MTR: variants seen among roughly 807,000 people sequenced by gnomAD.
The protein encoded by MTR is methionine synthase.
A neutral mutation model predicts 154.8 loss-of-function variants in MTR; 84 were observed. The ratio of observed to expected loss-of-function variants is 0.54; its 90% CI spans 0.45 to 0.65. The LOEUF is 0.65. MTR is among the 30% of genes least tolerant of loss of function. The pLI is 0.00. For synonymous variants in MTR, 554 were observed against 553.9 expected, an observed-to-expected ratio of 1.00 and a Z score of 0.00; for missense variants, 1,275 against 1,570.2, an observed-to-expected ratio of 0.81 and a Z score of 3.18.
At chr1:236,804,377 C>T (rs1284902741) in intron 2 of MTR, among the ~76,000 whole-genome samples, 5 of 152,138 alleles carry the variant, frequency 3.3e-5, no homozygotes, top group African/African-American at 4.8e-5. Flanking sequence ...AGAAAGCTGG[C>T]GCTCACCCAT....
chr1:236,897,260 A>G (rs1666676001), intron 32 of MTR, 142 bp downstream of exon 32: 4 of 717,110 alleles, frequency 5.6e-6, no homozygotes, highest in African/African-American at 3.8e-5. Context: ...TTTGATTTCA[A>G]TAGAATACCT....
chr1:236,887,102 A>G (rs1388973553), intron 27 of MTR, among the ~76,000 whole-genome samples: 1 of 152,228 alleles, frequency 6.6e-6, no homozygotes, highest in Admixed American at 6.5e-5. Flanking sequence ...TGCAAAACCA[A>G]GATAGAGTGA....
At chr1:236,838,906 G>T (rs1482972375) in intron 15 of MTR, among the ~76,000 whole-genome samples, 2 of 152,168 alleles carry the variant, frequency 1.3e-5, no homozygotes, top group Non-Finnish European at 2.9e-5. Flanking sequence ...GGTATATATA[G>T]TGTGTTGTTT....
chr1:236,894,277 C>T, intron 29 of MTR, 80 bp from the exon 30 acceptor site: 1 of 1,360,564 alleles, frequency 7.3e-7, no homozygotes, highest in African/African-American at 1.4e-5. Context: ...TTGACGATAC[C>T]CGATTGCTCT....
chr1:236,889,054 C>T, intron 27 of MTR, 127 bp from the exon 28 acceptor site: 1 of 1,149,662 alleles, frequency 8.7e-7, no homozygotes, highest in Non-Finnish European at 1.3e-6. Context: ...CTTTGTAAAA[C>T]AACTCCTACG....
Position 236,889,218 on chromosome 1 carries a change from C to T in MTR, c.2889C>T (p.Asp963=). The T allele has an allele frequency of 1.2e-6, 2 of 1,614,200 alleles. No individual in the cohort carries two copies. The highest frequency in any genetic ancestry group is 8.5e-7 in the Non-Finnish European group (1 of 1,180,038). ...PTFIGTQVFE[D]YDLQKLVDYI... is the part of the protein sequence containing the mutation. ...TTATTGGGACCCAGGTCTTTGAAGA[C>T]TATGACCTGCAGAAGCTGGTGGACT... is the stretch of plus-strand genomic sequence containing the variant. Residue 963 remains aspartate, a synonymous_variant, in exon 28 of 33, where the codon GAC becomes GAT. Transcript: ENST00000366577.
chr1:236,853,472 G>A (rs1366731104), intron 18 of MTR, among the ~76,000 whole-genome samples: 1 of 152,172 alleles, frequency 6.6e-6, no homozygotes, highest in African/African-American at 2.4e-5. Flanking sequence ...TAACCTTTAA[G>A]TGATGGGAGT....
Position 236,885,217 on chromosome 1 carries a change from A to G in MTR, c.2773A>G (p.Lys925Glu). 6.4e-7 allele frequency: 1 copy of G among 1,563,624 alleles called. No individual in the cohort carries two copies. Among genetic ancestry groups the G allele is most frequent in the Non-Finnish European group, 8.8e-7 (1 of 1,134,580 alleles). ...TAGACAGGACCATTATGAGTCTCTC[A>G]AGGTAAGTGGTAGAAACAGATTTTT... The part of the protein sequence containing the change: ...DIRQDHYESL[K>E]ERRYLPLSQA... The change falls in exon 26 of 33, where the codon AAG becomes GAG. Residue 925 changes from lysine (K) to glutamate (E), a missense_variant and splice_region_variant. Lys to Glu is a moderately conservative substitution (Grantham distance 56). Transcript: ENST00000366577.
At chr1:236,805,924 C>A (rs1660958145) in intron 2 of MTR, among the ~76,000 whole-genome samples, 1 of 152,180 alleles carries the variant, frequency 6.6e-6, no homozygotes, top group Non-Finnish European at 1.5e-5. Context: ...AGCATGTTAA[C>A]ATTGTCTGAA....
intron 26 of MTR, 80 bp from the exon 27 acceptor site, chr1:236,886,212 C>CA: frequency 8.9e-7 from 1 of 1,128,580 alleles, no homozygotes; most frequent in South Asian, 1.3e-5. Flanking sequence ...AGCTTACATA[C>CA]TGGCCTTCTT....
At chr1:236,887,936 A>G (rs907391758) in intron 27 of MTR, among the ~76,000 whole-genome samples, 1 of 152,252 alleles carries the variant, frequency 6.6e-6, no homozygotes, top group African/African-American at 2.4e-5. Context: ...GTCTATCTGT[A>G]GATTCCTTTT....
At chr1:236,897,517 T>G (rs374835058) in intron 32 of MTR, 41 bp from the exon 33 acceptor site, 1 of 1,572,180 alleles carries the variant, frequency 6.4e-7, no homozygotes, top group Non-Finnish European at 8.8e-7. Context: ...TCCAAAAGTC[T>G]TATCATGTTG....
At chr1:236,895,287 G>A in intron 30 of MTR, 71 bp from the exon 31 acceptor site, 1 of 1,504,224 alleles carries the variant, frequency 6.6e-7, no homozygotes, top group African/African-American at 1.4e-5. Flanking sequence ...TCTAATTCAG[G>A]GGGTGGAGGC....
chr1:236,820,233 T>C (rs561591525), intron 8 of MTR: 1 of 755,168 alleles, frequency 1.3e-6, no homozygotes, highest in South Asian at 1.4e-5. Flanking sequence ...TCATGCCTGA[T>C]CTCTGCTTGT....
At chr1:236,852,715 C>A in intron 17 of MTR, 78 bp downstream of exon 17, 2 of 1,325,400 alleles carry the variant, frequency 1.5e-6, no homozygotes, top group Non-Finnish European at 1.1e-6. Flanking sequence ...GGCATGCAGG[C>A]TAAGTCCGGC....
At chr1:236,849,604 C>T (rs1330792204) in intron 15 of MTR, among the ~76,000 whole-genome samples, 1 of 151,896 alleles carries the variant, frequency 6.6e-6, no homozygotes, top group African/African-American at 2.4e-5. Flanking sequence ...ACCAAAGGAG[C>T]AATGTAGGAG....
chr1:236,871,770 G>A (rs1389909413), intron 22 of MTR, among the ~76,000 whole-genome samples: 1 of 152,050 alleles, frequency 6.6e-6, no homozygotes, highest in Non-Finnish European at 1.5e-5. Flanking sequence ...TGCCAACAAA[G>A]CTGAATATAC....
intron 11 of MTR, 72 bp downstream of exon 11, chr1:236,826,968 T>C (rs1366316446): frequency 4.4e-6 from 6 of 1,369,514 alleles, no homozygotes; most frequent in Non-Finnish European, 6.2e-6. Context: ...TATGTACTTT[T>C]TGTTATGGGC....
In MTR at chr1:236,890,147, CGGGGGGGCGTGCCT is replaced by C. The variant is rs1041701373; in HGVS notation, c.3007+815_3007+828del. 4.8e-5 allele frequency among the ~76,000 whole-genome samples: 7 copies of C among 144,886 alleles called. No homozygotes were observed. In the South Asian group the frequency reaches 6.4e-4, roughly 13 times the overall value. On this transcript the variant is annotated intron_variant, in intron 28 of 32. Coordinates refer to ENST00000366577, the MANE Select transcript of MTR (RefSeq NM_000254.3). Reference sequence around the variant, plus strand: ...AACCAGCCTTTTGCCAAGTTTCCCACGGGGGGGCGTGCCTGGGTGTGCGTGTTCGGATGCTGAGA... The same window carrying C: ...AACCAGCCTTTTGCCAAGTTTCCCACGGGTGTGCGTGTTCGGATGCTGAGA...
Sources: gnomAD v4.1 joint callset for allele counts (sites outside exome capture counted in the v4.1 genomes callset) on GRCh38, gnomAD v4.1.1 for gene constraint, MANE v1.5 for transcripts, NCBI Gene and HGNC (gene_info 2026-07-23, HGNC 2026-07-21) for gene names.